Variants in AKNA observed in about 807,000 individuals in gnomAD.
The protein encoded by AKNA is AT-hook transcription factor.
A neutral mutation model predicts 138.8 loss-of-function variants in AKNA; 67 were observed. The observed-to-expected ratio is 0.48, with a 90% CI of 0.40 to 0.59. The LOEUF is 0.59. Among genes scored for constraint, AKNA ranks in the 20% least tolerant of loss-of-function variants. The pLI is 0.00. For synonymous variants in AKNA, 737 were observed against 754.4 expected (o/e 0.98, Z 0.38); for missense variants, 1,813 against 1,880.4 (o/e 0.96, Z 0.66).
chr9:114,343,121 A>G (rs1830468703), intron 19 of AKNA, among the ~76,000 whole-genome samples: 1 of 152,246 alleles, frequency 6.6e-6, no homozygotes, highest in Non-Finnish European at 1.5e-5. Context: ...TGTGAGGATT[A>G]ATTTATGCAA....
At chr9:114,364,966 C>T (rs1832237839) in intron 6 of AKNA, among the ~76,000 whole-genome samples, 2 of 152,172 alleles carry the variant, frequency 1.3e-5, no homozygotes, top group Non-Finnish European at 2.9e-5. Flanking sequence ...CAGCCATCAA[C>T]AAGAGGAAGG....
At chr9:114,346,919 C>A (rs914745622) in intron 16 of AKNA, 135 bp from the exon 17 acceptor site, 2 of 692,298 alleles carry the variant, frequency 2.9e-6, no homozygotes, top group Admixed American at 3.5e-5. Flanking sequence ...CAAAGCCAGA[C>A]TCTGAAGTCA....
downstream of AKNA, chr9:114,332,984 T>A: frequency 6.3e-7 from 1 of 1,584,016 alleles, no homozygotes; most frequent in Non-Finnish European, 8.6e-7. Flanking sequence ...AGGCCAGAGC[T>A]CATTCTGCCC....
intron 8 of AKNA, among the ~76,000 whole-genome samples, chr9:114,362,187 A>G (rs922837726): frequency 1.3e-5 from 2 of 152,216 alleles, no homozygotes; most frequent in African/African-American, 4.8e-5. Context: ...CCATCATCCA[A>G]TAAGGGTTTC....
chr9:114,336,405 C>G lies in AKNA; in HGVS notation c.*649G>C, dbSNP rs1469271421. 1 of 152,340 alleles carries G rather than the reference C, an allele frequency of 6.6e-6. No individual in the cohort carries two copies. Among genetic ancestry groups the G allele is most frequent in the Non-Finnish European group, 1.5e-5 (1 of 68,058 alleles). The allele number at this position is 152,340 out of a possible 1,614,324, so 9.4% of individuals were successfully genotyped here. ...ATCCTAGGAGAAGCTGGGGACCATGCGTGAGGTACTGAAGGGGACCATGGT... is the reference window on the plus strand; with the variant it reads ...ATCCTAGGAGAAGCTGGGGACCATGGGTGAGGTACTGAAGGGGACCATGGT... On this transcript the variant is annotated 3_prime_UTR_variant, in exon 22 of 22. Transcript: ENST00000374088.
At position 114,349,144 on chromosome 9, in the gene AKNA, T is replaced by C. The variant is rs925517093; in HGVS notation, c.3222-1244A>G. ...CATCTCCCCACCCCCAGTTAACTCCTGAAATGGAGAGCTCCGCCTCCTAGT... is the reference window on the plus strand; with the variant it reads ...CATCTCCCCACCCCCAGTTAACTCCCGAAATGGAGAGCTCCGCCTCCTAGT... On this transcript the variant is annotated intron_variant, in intron 15 of 21. Coordinates refer to ENST00000374088, the MANE Select transcript of AKNA (RefSeq NM_001317950.2). The C allele has an allele frequency of 2.6e-5, 9 of 346,018 alleles. No homozygotes were observed. The Admixed American group carries it at 3.3e-4, about 13-fold the overall frequency. The allele number at this position is 346,018 out of a possible 1,614,324, so 21.4% of individuals were successfully genotyped here.
At position 114,362,430 on chromosome 9, in the gene AKNA, G is replaced by A. The variant is rs539539468; in HGVS notation, c.1892C>T (p.Thr631Met). The change falls in exon 8 of 22, where the codon ACG becomes ATG. Residue 631 changes from threonine (T) to methionine (M), a missense_variant. Thr to Met is a moderately conservative substitution (Grantham distance 81). Transcript: ENST00000374088. ...PAQPLAGSKG[T>M]PGRFDPRREL... ...CCTGCGAGGATCAAATCTTCCAGGCGTCCCCTTGGAGCCGGCAAGCGGCTG... is the reference window on the plus strand; with the variant it reads ...CCTGCGAGGATCAAATCTTCCAGGCATCCCCTTGGAGCCGGCAAGCGGCTG... 7 of 1,612,068 alleles carry A rather than the reference G, an allele frequency of 4.3e-6. No individual in the cohort carries two copies. Among genetic ancestry groups the A allele is most frequent in the Middle Eastern group, 1.6e-4 (1 of 6,084 alleles).
At chr9:114,362,019 C>A (rs1832007450) in intron 8 of AKNA, 108 bp from the exon 9 acceptor site, 2 of 1,105,066 alleles carry the variant, frequency 1.8e-6, no homozygotes, top group South Asian at 2.9e-5. Context: ...CCCTTAGGGT[C>A]CATTTAATAT....
intron 18 of AKNA, chr9:114,345,401 T>C (rs1564619059): frequency 6.5e-6 from 1 of 153,874 alleles, no homozygotes; most frequent in Non-Finnish European, 1.4e-5. Context: ...GTTAATGTTA[T>C]AAGCACTTGA....
chr9:114,341,264 C>A (rs902487), intron 21 of AKNA, among the ~76,000 whole-genome samples: 9,968 of 152,224 alleles, frequency 0.065, 1,105 homozygotes, highest in African/African-American at 0.23. Flanking sequence ...TATAAGCTCC[C>A]AGAGGGCAGG....
At chr9:114,375,755 T>G (rs573666423) in intron 3 of AKNA, among the ~76,000 whole-genome samples, 1 of 152,174 alleles carries the variant, frequency 6.6e-6, no homozygotes, top group South Asian at 2.1e-4. Context: ...TACATGGGAG[T>G]GTATTCTACG....
chr9:114,350,388 G>A (rs1046580245), intron 15 of AKNA, among the ~76,000 whole-genome samples: 2 of 152,174 alleles, frequency 1.3e-5, no homozygotes, highest in Non-Finnish European at 2.9e-5. Flanking sequence ...CAACTAAGAG[G>A]AGGTGTGAGA....
chr9:114,397,959 T>C (rs1223767238), upstream of AKNA, among the ~76,000 whole-genome samples: 1 of 151,990 alleles, frequency 6.6e-6, no homozygotes, highest in African/African-American at 2.4e-5. Context: ...GGTGAACGAA[T>C]CTCACACAAA....
At chr9:114,359,392 C>T (rs766443282) in intron 11 of AKNA, 1 of 1,006,534 alleles carries the variant, frequency 9.9e-7, no homozygotes, top group Non-Finnish European at 1.4e-6. Context: ...TTTAATACTG[C>T]ATGTGTCCTA....
At chr9:114,346,401 T>C (rs1830688652) in intron 17 of AKNA, among the ~76,000 whole-genome samples, 1 of 152,224 alleles carries the variant, frequency 6.6e-6, no homozygotes, top group East Asian at 1.9e-4. Context: ...TTCAGCGCCC[T>C]TATCTGTGAA....
chr9:114,396,467 T>A (rs959798416), upstream of AKNA, among the ~76,000 whole-genome samples: 3 of 151,848 alleles, frequency 2.0e-5, no homozygotes, highest in African/African-American at 7.3e-5. Context: ...GATCATGAGG[T>A]CAGGAAATCG....
intron 4 of AKNA, among the ~76,000 whole-genome samples, chr9:114,370,622 TC>T (rs149979616): frequency 0.025 from 3,873 of 152,192 alleles, 101 homozygotes; most frequent in Admixed American, 0.076. Context: ...TCCCGGGTGC[TC>T]CCCAAGGCTG....
chr9:114,364,700 G>T (rs1588989103), intron 6 of AKNA, 81 bp from the exon 7 acceptor site: 1 of 1,451,104 alleles, frequency 6.9e-7, no homozygotes, highest in Non-Finnish European at 9.7e-7. Flanking sequence ...CTATGCCTTG[G>T]TAAGAGGAGC....
chr9:114,392,205 G>C (rs1433762430), upstream of AKNA, among the ~76,000 whole-genome samples: 4 of 152,158 alleles, frequency 2.6e-5, no homozygotes, highest in African/African-American at 4.8e-5. Context: ...CCTGGCTAGG[G>C]AAGTAGAGAA....
Sources: allele counts gnomAD v4.1 joint callset (sites outside exome capture counted in the v4.1 genomes callset), GRCh38; gene constraint gnomAD v4.1.1; transcripts MANE v1.5; gene names NCBI Gene and HGNC (gene_info 2026-07-23, HGNC 2026-07-21).